The following NME7 variants were observed in gnomAD, a reference collection of about 807,000 sequenced individuals.
NME7 encodes nucleoside diphosphate kinase 7.
NME7 carries 41 observed loss-of-function variants against 49.1 expected under a neutral mutation model. That is an observed-to-expected ratio of 0.83 (90% confidence interval 0.65 to 1.08). The LOEUF (loss-of-function observed/expected upper bound fraction) is 1.08. Ranked by LOEUF, NME7 falls within the 50% of genes least tolerant of loss-of-function variation. The pLI is 0.00. For missense variants in NME7, 423 were observed against 463.4 expected, an observed-to-expected ratio of 0.91 and a Z score of 0.80; for synonymous variants, 139 against 150.6, an observed-to-expected ratio of 0.92 and a Z score of 0.56.
At chr1:169,254,408 T>C (rs1246286114) in intron 7 of NME7, among the ~76,000 whole-genome samples, 3 of 152,146 alleles carry the variant, frequency 2.0e-5, no homozygotes, top group African/African-American at 4.8e-5. Context: ...TTGGTGGTGA[T>C]ATCCCCTTTA....
At chr1:169,276,580 TTTTC>T (rs1387945012) in intron 7 of NME7, among the ~76,000 whole-genome samples, 7 of 132,646 alleles carry the variant, frequency 5.3e-5, no homozygotes, top group African/African-American at 1.3e-4. Flanking sequence ...TTCTCTCTTT[TTTTC>T]TTTATTAGTC....
chr1:169,232,375 GATAAAC>G (rs1416483773), intron 9 of NME7, among the ~76,000 whole-genome samples: 2 of 151,722 alleles, frequency 1.3e-5, no homozygotes, highest in Non-Finnish European at 2.9e-5. Context: ...AAGAAAAGGT[GATAAAC>G]ATAAATATAT....
At chr1:169,274,147 T>C (rs1322967700) in intron 7 of NME7, among the ~76,000 whole-genome samples, 1 of 132,220 alleles carries the variant, frequency 7.6e-6, no homozygotes, top group Non-Finnish European at 1.8e-5. Flanking sequence ...GACTTTTTAA[T>C]GATTGCCATT....
rs1434640654 is a variant in NME7, at chr1:169,342,589, T to C, written c.4-18089A>G. On this transcript the variant is annotated intron_variant, in intron 1 of 11. Transcript: ENST00000367811. ...TACATATATATAGTATATATATATA[T>C]ACAAGTACATATATATAGTATATAT... 1.9e-4 allele frequency among the ~76,000 whole-genome samples: 17 copies of C among 90,750 alleles called. 2 individuals are homozygous for C. The highest frequency in any genetic ancestry group is 2.3e-4 in the Non-Finnish European group (10 of 43,432). 59.5% of individuals were successfully genotyped at this position (90,750 alleles called of 152,430 possible).
intron 1 of NME7, among the ~76,000 whole-genome samples, chr1:169,359,928 TAC>T (rs1324698696): frequency 6.6e-6 from 1 of 152,188 alleles, no homozygotes; most frequent in Non-Finnish European, 1.5e-5. Flanking sequence ...TTTTAATAGC[TAC>T]AGTTTCTCAC....
intron 1 of NME7, among the ~76,000 whole-genome samples, chr1:169,342,544 AG>A (rs1652759119): frequency 2.4e-5 from 3 of 125,096 alleles, no homozygotes; most frequent in Admixed American, 1.9e-4. Context: ...ACATATATAT[AG>A]TATATATATA....
At chr1:169,312,105 T>A (rs1651416738) in intron 3 of NME7, among the ~76,000 whole-genome samples, 1 of 152,190 alleles carries the variant, frequency 6.6e-6, no homozygotes, top group African/African-American at 2.4e-5. Flanking sequence ...AAAACAACAA[T>A]TTCTCAAGGT....
At chr1:169,311,416 CAAAA>C (rs34576386) in intron 3 of NME7, among the ~76,000 whole-genome samples, 5 of 83,634 alleles carry the variant, frequency 6.0e-5, no homozygotes, top group African/African-American at 1.5e-4. Flanking sequence ...GACTCCATCT[CAAAA>C]AAAAAAAAAA....
At chr1:169,183,110 G>C (rs1326481879) in intron 10 of NME7, among the ~76,000 whole-genome samples, 1 of 152,186 alleles carries the variant, frequency 6.6e-6, no homozygotes, top group Non-Finnish European at 1.5e-5. Flanking sequence ...TAATATTACT[G>C]TTTCATCACA....
intron 11 of NME7, among the ~76,000 whole-genome samples, chr1:169,165,100 A>ATAT (rs557953208): frequency 0.26 from 36,573 of 143,022 alleles, 5,312 homozygotes; most frequent in Non-Finnish European, 0.34. Flanking sequence ...ATGTCTCATA[A>ATAT]ATACCATAAT....
chr1:169,152,827 C>G (rs1259295838), intron 11 of NME7, among the ~76,000 whole-genome samples: 2 of 152,062 alleles, frequency 1.3e-5, no homozygotes, highest in Non-Finnish European at 2.9e-5. Context: ...GTTTTGGAAC[C>G]TTTATCGAGT....
chr1:169,224,364 C>T (rs939919436), intron 10 of NME7, among the ~76,000 whole-genome samples: 37 of 152,144 alleles, frequency 2.4e-4, no homozygotes, highest in African/African-American at 8.9e-4. Context: ...CATGCTTACC[C>T]CACCTGGGCT....
intron 11 of NME7, among the ~76,000 whole-genome samples, chr1:169,155,417 T>C (rs1423398678): frequency 6.6e-6 from 1 of 152,264 alleles, no homozygotes; most frequent in East Asian, 1.9e-4. Context: ...TGGAACTGCC[T>C]GTTTATGGTG....
intron 11 of NME7, among the ~76,000 whole-genome samples, chr1:169,153,740 CA>C (rs1209981667): frequency 6.6e-6 from 1 of 152,086 alleles, no homozygotes; most frequent in African/African-American, 2.4e-5. Context: ...TTCTGTCACC[CA>C]AGCTGGAGTA....
chr1:169,268,820 G>GA (rs946479222), intron 7 of NME7, among the ~76,000 whole-genome samples: 4 of 131,592 alleles, frequency 3.0e-5, no homozygotes, highest in African/African-American at 7.7e-5. Flanking sequence ...AGGTTTGGAA[G>GA]AAAAAAAATA....
intron 11 of NME7, among the ~76,000 whole-genome samples, chr1:169,162,072 G>A (rs914549792): frequency 7.9e-5 from 12 of 152,200 alleles, no homozygotes; most frequent in Admixed American, 3.3e-4. Context: ...CAAGAGGACC[G>A]TTTTCTACAT....
chr1:169,196,426 T>C (rs1660381392), intron 10 of NME7, among the ~76,000 whole-genome samples: 1 of 152,174 alleles, frequency 6.6e-6, no homozygotes, highest in Non-Finnish European at 1.5e-5. Context: ...GTTGTCTGTC[T>C]TTCTATTAGA....
At chr1:169,252,629 C>A (rs193104673) in intron 7 of NME7, among the ~76,000 whole-genome samples, 1 of 152,160 alleles carries the variant, frequency 6.6e-6, no homozygotes, top group African/African-American at 2.4e-5. Flanking sequence ...GACATGAAGT[C>A]GTCGCCTATG....
chr1:169,247,088 A>C, intron 7 of NME7: 1 of 456,254 alleles, frequency 2.2e-6, no homozygotes, highest in Non-Finnish European at 4.4e-6. Flanking sequence ...CTCAGCATGC[A>C]AAGGAAGCTA....
Sources: allele counts gnomAD v4.1 joint callset (sites outside exome capture counted in the v4.1 genomes callset), GRCh38; gene constraint gnomAD v4.1.1; transcripts MANE v1.5; gene names NCBI Gene and HGNC (gene_info 2026-07-23, HGNC 2026-07-21).